FN1: variants seen among roughly 807,000 people sequenced by gnomAD.
FN1 encodes the protein fibronectin.
A neutral mutation model predicts 297.3 loss-of-function variants in FN1; 106 were observed. That is an observed-to-expected ratio of 0.36 (90% confidence interval 0.30 to 0.42). The LOEUF is 0.42. FN1 is among the 10% of genes least tolerant of loss of function. The pLI is 1.00. For missense variants in FN1, 2,690 were observed against 3,124.9 expected, an observed-to-expected ratio of 0.86 and a Z score of 3.32; for synonymous variants, 1,149 against 1,152.6, an observed-to-expected ratio of 1.00 and a Z score of 0.06.
intron 24 of FN1, among the ~76,000 whole-genome samples, chr2:215,394,163 T>C (rs1027576630): frequency 1.3e-5 from 2 of 152,194 alleles, no homozygotes; most frequent in East Asian, 3.8e-4. Flanking sequence ...CGGGCAGAAA[T>C]GTACTGATGG....
intron 28 of FN1, among the ~76,000 whole-genome samples, chr2:215,385,339 A>T (rs938842166): frequency 6.6e-6 from 1 of 151,582 alleles, no homozygotes; most frequent in African/African-American, 2.4e-5. Flanking sequence ...AGGCGGGTGG[A>T]TCATTTGAGG....
At chr2:215,394,757 A>T (rs1370936683) in intron 23 of FN1, 38 bp from the exon 24 acceptor site, 4 of 1,484,126 alleles carry the variant, frequency 2.7e-6, no homozygotes, top group Non-Finnish European at 2.8e-6. Context: ...TGCACAGAGG[A>T]TCTGTGAGCC....
chr2:215,389,099 T>C (rs1202066112), intron 26 of FN1, among the ~76,000 whole-genome samples: 2 of 152,058 alleles, frequency 1.3e-5, no homozygotes, highest in Non-Finnish European at 2.9e-5. Context: ...TCCATTTTTT[T>C]TTATTTTTAT....
chr2:215,394,496 A>G lies in FN1; in HGVS notation c.3796+32T>C, dbSNP rs753426973. 2.0e-6 allele frequency: 3 copies of G among 1,536,898 alleles called. No individual in the cohort carries two copies. The African/African-American group carries it at 4.1e-5, about 21-fold the overall frequency. On this transcript the variant is annotated intron_variant, in intron 24 of 45. Transcript: ENST00000354785. Reference sequence around the variant, plus strand: ...AATCCCCACTCTTATTGGAAGTGTCACTCTCAGGATAGCAGCTTATTTTTC... The same window carrying G: ...AATCCCCACTCTTATTGGAAGTGTCGCTCTCAGGATAGCAGCTTATTTTTC...
chr2:215,424,380 G>A, intron 7 of FN1, 55 bp from the exon 8 acceptor site: 1 of 1,448,410 alleles, frequency 6.9e-7, no homozygotes, highest in Non-Finnish European at 9.7e-7. Flanking sequence ...TCTCCCACCA[G>A]CAGCTGCTTA....
chr2:215,430,666 C>A, intron 5 of FN1, 49 bp downstream of exon 5: 1 of 1,605,922 alleles, frequency 6.2e-7, no homozygotes, highest in South Asian at 1.1e-5. Flanking sequence ...TCTAGGAATC[C>A]AGAAAACAAT....
chr2:215,434,954 TG>T (rs1427426490), intron 1 of FN1, 130 bp from the exon 2 acceptor site: 7 of 1,036,958 alleles, frequency 6.8e-6, no homozygotes, highest in Non-Finnish European at 1.0e-5. Context: ...TATACAATGA[TG>T]TCATTTCCAT....
chr2:215,408,325 A>G lies in FN1; in HGVS notation c.2401T>C (p.Leu801=), dbSNP rs754283171. The part of the protein sequence containing the change: ...YQISEDGEQS[L]ILSTSQTTAP... ...GTTGTTTGTGAAGTAGACAGGATCAAACTCTGCTCCCCATCCTCAGATATC... is the reference window on the plus strand; with the variant it reads ...GTTGTTTGTGAAGTAGACAGGATCAGACTCTGCTCCCCATCCTCAGATATC... Residue 801 remains leucine (L), a synonymous_variant, in exon 16 of 46, where the codon TTG becomes CTG. Transcript: ENST00000354785. 35 of 1,614,096 alleles carry G rather than the reference A, an allele frequency of 2.2e-5. No individual in the cohort carries two copies. The South Asian group carries it at 3.3e-4, about 15-fold the overall frequency.
intron 13 of FN1, among the ~76,000 whole-genome samples, chr2:215,412,055 T>G (rs1482379762): frequency 2.0e-5 from 3 of 152,256 alleles, no homozygotes; most frequent in Admixed American, 1.3e-4. Flanking sequence ...GTAAATAAAA[T>G]TAATGATGTA....
intron 19 of FN1, among the ~76,000 whole-genome samples, chr2:215,405,406 T>A (rs2061647191): frequency 6.6e-6 from 1 of 152,222 alleles, no homozygotes; most frequent in Non-Finnish European, 1.5e-5. Flanking sequence ...GTTGCAGAAC[T>A]TTTTTAAAGC....
chr2:215,391,938 GTCTAA>G lies in FN1; in HGVS notation c.4070-129_4070-125del, dbSNP rs565352108. 246 of 816,138 alleles carry G rather than the reference GTCTAA, an allele frequency of 3.0e-4. 3 individuals are homozygous for G. The Admixed American group carries it at 3.1e-3, about 10-fold the overall frequency. 50.6% of individuals were successfully genotyped at this position (816,138 alleles called of 1,614,324 possible). ...AAACAGAATCATAATCATGCAAACAGTCTAATCTAAGTCTATTTTAAGTTATAGTG... is the reference window on the plus strand; with the variant it reads ...AAACAGAATCATAATCATGCAAACAGTCTAAGTCTATTTTAAGTTATAGTG... On this transcript the variant is annotated intron_variant, in intron 25 of 45. Coordinates refer to ENST00000354785, the MANE Select transcript of FN1 (RefSeq NM_212482.4).
chr2:215,433,358 C>T lies in FN1; in HGVS notation c.381G>A (p.Gly127=), dbSNP rs773485917. The T allele has an allele frequency of 1.9e-6, 3 of 1,614,050 alleles. No individual in the cohort carries two copies. Among genetic ancestry groups the T allele is most frequent in the African/African-American group, 1.3e-5 (1 of 74,914 alleles). The change falls in exon 3 of 46, where the codon GGG becomes GGA. Residue 127 remains glycine, a synonymous_variant. Coordinates refer to ENST00000354785, the MANE Select transcript of FN1 (RefSeq NM_212482.4). Reference sequence around the variant, plus strand: ...TACAGCTTATTCTCCCTCGCCCAGCCCCGATGCAGGTACAGTCCCAGATCA... The same window carrying T: ...TACAGCTTATTCTCCCTCGCCCAGCTCCGATGCAGGTACAGTCCCAGATCA... ...DSMIWDCTCI[G]AGRGRISCTI...
intron 17 of FN1, 129 bp downstream of exon 17, chr2:215,407,979 C>G: frequency 1.6e-6 from 1 of 609,240 alleles, no homozygotes; most frequent in East Asian, 2.9e-5. Flanking sequence ...CACACACACA[C>G]AAACCCCTCT....
At chr2:215,393,790 GC>G (rs2059992724) in intron 24 of FN1, 1 of 152,786 alleles carries the variant, frequency 6.5e-6, no homozygotes, top group Admixed American at 6.5e-5. Flanking sequence ...TAAGGTTAAG[GC>G]CATTGCCACT....
chr2:215,404,267 C>A (rs2061479426), intron 20 of FN1, 122 bp downstream of exon 20: 3 of 1,047,352 alleles, frequency 2.9e-6, no homozygotes, highest in Non-Finnish European at 4.3e-6. Flanking sequence ...TTTTTAGTAT[C>A]ACTGATTTAA....
chr2:215,415,840 A>C (rs184031951), intron 12 of FN1, among the ~76,000 whole-genome samples: 18 of 152,258 alleles, frequency 1.2e-4, no homozygotes, highest in Admixed American at 1.0e-3. Flanking sequence ...TGAAATAGCT[A>C]GAAAATTTAT....
intron 12 of FN1, among the ~76,000 whole-genome samples, chr2:215,418,960 A>G (rs1306159495): frequency 1.3e-5 from 2 of 151,868 alleles, no homozygotes; most frequent in Non-Finnish European, 2.9e-5. Context: ...TGGATATAAG[A>G]TGAAATTAGC....
At chr2:215,374,369 G>A (rs2056865778) in intron 38 of FN1, among the ~76,000 whole-genome samples, 1 of 152,174 alleles carries the variant, frequency 6.6e-6, no homozygotes, top group African/African-American at 2.4e-5. Context: ...TTGGCTCTGT[G>A]TCTGCATCCA....
At chr2:215,420,822 T>C (rs751797438) in intron 10 of FN1, 21 bp from the exon 11 acceptor site, 2 of 1,613,350 alleles carry the variant, frequency 1.2e-6, no homozygotes, top group Non-Finnish European at 1.7e-6. Flanking sequence ...AACAGGTGGG[T>C]GAGTGAGAAA....
Sources: allele counts gnomAD v4.1 joint callset (sites outside exome capture counted in the v4.1 genomes callset), GRCh38; gene constraint gnomAD v4.1.1; transcripts MANE v1.5; gene names NCBI Gene and HGNC (gene_info 2026-07-23, HGNC 2026-07-21).